PTBP3: variants seen among roughly 807,000 people sequenced by gnomAD.
The protein encoded by PTBP3 is polypyrimidine tract binding protein 3.
A neutral mutation model predicts 58.7 loss-of-function variants in PTBP3; 20 were observed. The observed-to-expected ratio is 0.34, with a 90% confidence interval of 0.24 to 0.50. The LOEUF (loss-of-function observed/expected upper bound fraction) is 0.50, where lower values mean the gene tolerates loss of function less well. PTBP3 is among the 20% of genes least tolerant of loss of function. The probability of loss-of-function intolerance (pLI) is 0.98; values close to 1 mark genes in which losing one functional copy is unlikely to be tolerated. For missense variants in PTBP3, 509 were observed against 637.2 expected (o/e 0.80, Z 2.17); for synonymous variants, 185 against 219.8 (o/e 0.84, Z 1.40).
intron 5 of PTBP3, among the ~76,000 whole-genome samples, chr9:112,256,654 C>T (rs530194394): frequency 6.6e-6 from 1 of 151,986 alleles, no homozygotes; most frequent in Admixed American, 6.6e-5. Context: ...CTTTCGTCTC[C>T]AGAGTACTAC....
At chr9:112,286,663 A>G (rs1245124390) in intron 2 of PTBP3, among the ~76,000 whole-genome samples, 1 of 152,218 alleles carries the variant, frequency 6.6e-6, no homozygotes, top group African/African-American at 2.4e-5. Flanking sequence ...TCTTACTTTA[A>G]GCAGTCAATA....
intron 1 of PTBP3, among the ~76,000 whole-genome samples, chr9:112,299,869 G>A (rs982771445): frequency 6.6e-6 from 1 of 152,186 alleles, no homozygotes; most frequent in Non-Finnish European, 1.5e-5. Context: ...ATCTCAAATA[G>A]GAGGTACTCT....
At chr9:112,365,058 A>G in the PTBP3 span, among the ~76,000 whole-genome samples, 2 of 152,222 alleles carry the variant, frequency 1.3e-5, no homozygotes, top group Admixed American at 6.5e-5. Flanking sequence ...TGGCTGGCTT[A>G]TATCACTTAG....
the PTBP3 span, among the ~76,000 whole-genome samples, chr9:112,348,059 T>A: frequency 6.6e-6 from 1 of 152,226 alleles, no homozygotes; most frequent in African/African-American, 2.4e-5. Flanking sequence ...TTTTTAATTC[T>A]TTGTCATGGA....
At chr9:112,230,572 T>A (rs189678834) in intron 10 of PTBP3, among the ~76,000 whole-genome samples, 128 of 152,256 alleles carry the variant, frequency 8.4e-4, no homozygotes, top group Admixed American at 1.6e-3. Context: ...ACCCCTGCAT[T>A]TAGATTATAT....
chr9:112,346,850 A>G, the PTBP3 span, among the ~76,000 whole-genome samples: 1 of 152,068 alleles, frequency 6.6e-6, no homozygotes, highest in Non-Finnish European at 1.5e-5. Flanking sequence ...CAGCCTCCTG[A>G]GTAGCTGGGA....
rs34621641 is a variant in PTBP3, at chr9:112,223,741, C to CAGAA, written c.*109_*110insTTCT. ...TTAAAATATACTTGAATATCAAACT[C>CAGAA]AGAGTTATTTTTGTGAAAGAGGCAA... On this transcript the variant is annotated 3_prime_UTR_variant, in exon 14 of 14. Coordinates refer to ENST00000374257, the MANE Select transcript of PTBP3 (RefSeq NM_001163788.4). 0.81 allele frequency: 1,200,590 copies of CAGAA among 1,489,130 alleles called. 486,765 individuals carry two copies. The highest frequency in any genetic ancestry group is 0.94 in the African/African-American group (65,887 of 69,878). 92.2% of individuals were successfully genotyped at this position (1,489,130 alleles called of 1,614,324 possible). A position where few individuals can be genotyped will look rare whatever the true frequency, so the allele number is the denominator to read the frequency against.
intron 2 of PTBP3, among the ~76,000 whole-genome samples, chr9:112,297,060 C>G (rs1306255217): frequency 1.3e-5 from 2 of 152,182 alleles, no homozygotes; most frequent in Non-Finnish European, 2.9e-5. Flanking sequence ...CAGTACTGCA[C>G]TCCTTCAATT....
In PTBP3 at chr9:112,309,358, T is replaced by C. The variant is rs1179311493; in HGVS notation, c.-51-11442A>G. ...TCCAAAAACAGAAATAAAAGTGATATTGATATGGAGTTTCACTATACCATA... is the reference window on the plus strand; with the variant it reads ...TCCAAAAACAGAAATAAAAGTGATACTGATATGGAGTTTCACTATACCATA... On this transcript the variant is annotated intron_variant, in intron 1 of 13. Transcript: ENST00000374257. 5.9e-5 allele frequency among the ~76,000 whole-genome samples: 9 copies of C among 152,228 alleles called. No homozygotes were observed. The East Asian group carries it at 1.2e-3, about 20-fold the overall frequency.
chr9:112,304,499 GA>G (rs1219173514), intron 1 of PTBP3, among the ~76,000 whole-genome samples: 1 of 152,154 alleles, frequency 6.6e-6, no homozygotes, highest in Non-Finnish European at 1.5e-5. Context: ...GTTATAATAT[GA>G]ATCTATGCTC....
intron 2 of PTBP3, among the ~76,000 whole-genome samples, chr9:112,290,707 T>TACACACACACACACACACAC (rs60262490): frequency 3.3e-4 from 36 of 110,700 alleles, no homozygotes; most frequent in Admixed American, 6.1e-4. Flanking sequence ...TATATATATA[T>TACACACACACACACACACAC]ACACACACAC....
At chr9:112,270,010 T>C (rs1008693706) in intron 3 of PTBP3, among the ~76,000 whole-genome samples, 4 of 151,420 alleles carry the variant, frequency 2.6e-5, no homozygotes, top group African/African-American at 9.7e-5. Flanking sequence ...AGTGGCGTCA[T>C]CTCGGCTCAC....
the PTBP3 span, among the ~76,000 whole-genome samples, chr9:112,354,050 T>C: frequency 6.6e-6 from 1 of 152,156 alleles, no homozygotes; most frequent in Non-Finnish European, 1.5e-5. Flanking sequence ...ACCACATCAC[T>C]AATAGGAACC....
intron 3 of PTBP3, among the ~76,000 whole-genome samples, chr9:112,275,431 G>A (rs896475338): frequency 4.6e-5 from 7 of 152,026 alleles, no homozygotes; most frequent in East Asian, 1.9e-4. Context: ...CACTGCACCC[G>A]GCCGACAATA....
At chr9:112,314,821 G>A (rs1829635383) in intron 1 of PTBP3, among the ~76,000 whole-genome samples, 1 of 151,546 alleles carries the variant, frequency 6.6e-6, no homozygotes, top group Non-Finnish European at 1.5e-5. Context: ...CAACCAGTCT[G>A]TCCCACTGAC....
chr9:112,279,514 A>C (rs1369481695), intron 2 of PTBP3, among the ~76,000 whole-genome samples: 2 of 152,150 alleles, frequency 1.3e-5, no homozygotes, highest in African/African-American at 4.8e-5. Context: ...AGATAGAATA[A>C]GACATCCACC....
chr9:112,277,279 T>C (rs1028974701), intron 2 of PTBP3, among the ~76,000 whole-genome samples: 3 of 152,212 alleles, frequency 2.0e-5, no homozygotes, highest in African/African-American at 4.8e-5. Flanking sequence ...TACCTTTATA[T>C]AGCAAATGCC....
downstream of PTBP3, chr9:112,217,932 A>G (rs1834677100): frequency 1.3e-5 from 2 of 152,250 alleles, no homozygotes; most frequent in South Asian, 4.1e-4. Flanking sequence ...AGGAAAAGGA[A>G]TGTAGCATCA....
At chr9:112,350,516 A>T in the PTBP3 span, among the ~76,000 whole-genome samples, 3 of 152,332 alleles carry the variant, frequency 2.0e-5, no homozygotes, top group South Asian at 6.2e-4. Context: ...ATAAACCAAT[A>T]CTGATATGTC....
Sources: gnomAD v4.1 joint callset for allele counts (sites outside exome capture counted in the v4.1 genomes callset) on GRCh38, gnomAD v4.1.1 for gene constraint, MANE v1.5 for transcripts, NCBI Gene and HGNC (gene_info 2026-07-23, HGNC 2026-07-21) for gene names.